Variants in CLEC5A observed in about 807,000 individuals in gnomAD.
The protein encoded by CLEC5A is C-type lectin domain containing 5A, also known as C-type lectin domain family 5 member A.
Under a neutral mutation model 24.4 loss-of-function variants are expected in CLEC5A, and 15 were observed. The observed-to-expected ratio is 0.62, with a 90% CI of 0.41 to 0.95. CLEC5A has a LOEUF of 0.95. Among genes scored for constraint, CLEC5A ranks in the 40% least tolerant of loss-of-function variants. The pLI is 0.00. For synonymous variants in CLEC5A, 71 were observed against 72.6 expected, an observed-to-expected ratio of 0.98 and a Z score of 0.11; for missense variants, 211 against 224.0, an observed-to-expected ratio of 0.94 and a Z score of 0.37.
intron 4 of CLEC5A, among the ~76,000 whole-genome samples, chr7:141,942,556 A>G (rs1480552006): frequency 6.6e-6 from 1 of 152,172 alleles, no homozygotes; most frequent in Non-Finnish European, 1.5e-5. Context: ...CAGGCAACCA[A>G]AGGAAAAATA....
At chr7:141,944,202 G>A (rs1228548068) in intron 3 of CLEC5A, among the ~76,000 whole-genome samples, 2 of 152,026 alleles carry the variant, frequency 1.3e-5, no homozygotes, top group African/African-American at 4.8e-5. Context: ...TGTAGCCATA[G>A]GCATCAAATC....
chr7:141,928,388 C>T lies in CLEC5A; in HGVS notation c.*1716G>A, dbSNP rs1489628896. 2.0e-5 allele frequency: 3 copies of T among 152,500 alleles called. No individual in the cohort carries two copies. Among genetic ancestry groups the T allele is most frequent in the Non-Finnish European group, 4.4e-5 (3 of 68,032 alleles). 9.4% of individuals were successfully genotyped at this position (152,500 alleles called of 1,614,324 possible). On this transcript the variant is annotated 3_prime_UTR_variant, in exon 7 of 7. Coordinates refer to ENST00000546910, the MANE Select transcript of CLEC5A (RefSeq NM_013252.3). The stretch of plus-strand genomic sequence containing the variant: ...CTCAAAACAGAAGGATTAGGATTTC[C>T]TTTCTGTTGTCTGAGTTCTGGGGCT...
At chr7:141,936,355 C>T in intron 4 of CLEC5A, 1 of 254,102 alleles carries the variant, frequency 3.9e-6, no homozygotes, top group South Asian at 4.5e-5. Context: ...ATCCCTGCTG[C>T]AGTGACAGCA....
chr7:141,933,915 C>T (rs139810419), intron 5 of CLEC5A, among the ~76,000 whole-genome samples: 14 of 151,992 alleles, frequency 9.2e-5, no homozygotes, highest in African/African-American at 2.7e-4. Flanking sequence ...TGAATGGGAG[C>T]GGCTGGAGCA....
At chr7:141,938,668 A>G (rs1554441353) in intron 4 of CLEC5A, among the ~76,000 whole-genome samples, 1 of 152,222 alleles carries the variant, frequency 6.6e-6, no homozygotes, top group Non-Finnish European at 1.5e-5. Context: ...TAAGCCAAAG[A>G]AGACTACCTT....
chr7:141,934,737 T>C (rs1221068380), intron 5 of CLEC5A, among the ~76,000 whole-genome samples: 1 of 145,974 alleles, frequency 6.9e-6, no homozygotes, highest in Non-Finnish European at 1.5e-5. Flanking sequence ...GCAATTCTTG[T>C]GCCTCAGCCA....
chr7:141,933,142 A>G (rs1358882910), intron 5 of CLEC5A, among the ~76,000 whole-genome samples: 4 of 152,180 alleles, frequency 2.6e-5, no homozygotes, highest in African/African-American at 9.6e-5. Flanking sequence ...CTTAACTAGC[A>G]TAAGGAGGTA....
In CLEC5A at chr7:141,931,812, G is replaced by A. The variant is rs138215469; in HGVS notation, c.360C>T (p.Asp120=). 343 of 1,569,086 alleles carry A rather than the reference G, an allele frequency of 2.2e-4. No homozygotes were observed. In the African/African-American group the frequency reaches 4.3e-3, roughly 20 times the overall value. Residue 120 remains aspartate (D), a synonymous_variant, in exon 6 of 7, where the codon GAC becomes GAT. Transcript: ENST00000546910. Reference sequence around the variant, plus strand: ...TAAAATACTTCTCAGCATCAGTTATGTCCTGAAGAAACTTCTGGAAATAAA... The same window carrying A: ...TAAAATACTTCTCAGCATCAGTTATATCCTGAAGAAACTTCTGGAAATAAA... The part of the protein sequence containing the change: ...NTPEKLKFLQ[D]ITDAEKYFIG...
At chr7:141,934,933 A>G (rs533175437) in intron 5 of CLEC5A, among the ~76,000 whole-genome samples, 1 of 152,240 alleles carries the variant, frequency 6.6e-6, no homozygotes, top group South Asian at 2.1e-4. Flanking sequence ...CAGACTTGTC[A>G]CACTTGCTTC....
chr7:141,942,843 T>C (rs1174862397), intron 4 of CLEC5A, among the ~76,000 whole-genome samples: 1 of 152,186 alleles, frequency 6.6e-6, no homozygotes, highest in Non-Finnish European at 1.5e-5. Context: ...ACACCATTCC[T>C]CATTATAGAA....
chr7:141,932,331 T>C (rs1238019444), intron 5 of CLEC5A, among the ~76,000 whole-genome samples: 1 of 152,214 alleles, frequency 6.6e-6, no homozygotes, highest in African/African-American at 2.4e-5. Flanking sequence ...GATTTAAAAG[T>C]GTATTGCTTT....
At chr7:141,938,308 T>A (rs782311976) in intron 4 of CLEC5A, among the ~76,000 whole-genome samples, 2 of 152,010 alleles carry the variant, frequency 1.3e-5, no homozygotes, top group Non-Finnish European at 2.9e-5. Flanking sequence ...TTCTATCAGA[T>A]AAACTAAGAG....
intron 5 of CLEC5A, among the ~76,000 whole-genome samples, chr7:141,932,816 A>G (rs1802504090): frequency 6.6e-6 from 1 of 152,218 alleles, no homozygotes; most frequent in African/African-American, 2.4e-5. Context: ...TTGTTTACAC[A>G]TTATCTACGG....
At position 141,932,222 on chromosome 7, in the gene CLEC5A, G is replaced by T. The variant is rs1473535145; in HGVS notation, c.346-396C>A. 2.0e-5 allele frequency among the ~76,000 whole-genome samples: 3 copies of T among 152,206 alleles called. No homozygotes were observed. In the East Asian group the frequency reaches 5.8e-4, roughly 29 times the overall value. On this transcript the variant is annotated intron_variant, in intron 5 of 6. Coordinates refer to ENST00000546910, the MANE Select transcript of CLEC5A (RefSeq NM_013252.3). ...ATGTCATGCTTCTATCCATAGGATT[G>T]TTTTTGTTGCCAGAAATTTTGTATG...
rs145335543 is a variant in CLEC5A, at chr7:141,939,192, A to G, written c.209-3242T>C. Among the ~76,000 whole-genome samples, 898 of 152,340 alleles carry G rather than the reference A, an allele frequency of 5.9e-3. 24 individuals carry two copies. The highest frequency in any genetic ancestry group is 0.038 in the East Asian group (198 of 5,194). Reference sequence around the variant, plus strand: ...GAAAGACTAAAAGATGAACCAATAAAAATGATAACTACAACAACTTTTCAA... The same window carrying G: ...GAAAGACTAAAAGATGAACCAATAAGAATGATAACTACAACAACTTTTCAA... On this transcript the variant is annotated intron_variant, in intron 4 of 6. Coordinates refer to ENST00000546910, the MANE Select transcript of CLEC5A (RefSeq NM_013252.3).
chr7:141,936,656 C>T (rs542618431), intron 4 of CLEC5A, among the ~76,000 whole-genome samples: 1 of 152,142 alleles, frequency 6.6e-6, no homozygotes, highest in African/African-American at 2.4e-5. Flanking sequence ...CTAGGCAAGT[C>T]CTTGTGCTGA....
Position 141,933,744 on chromosome 7 carries a change from C to T in CLEC5A, c.346-1918G>A, listed in dbSNP as rs1181312519. 2.6e-5 allele frequency among the ~76,000 whole-genome samples: 4 copies of T among 151,980 alleles called. No homozygotes were observed. The East Asian group carries it at 7.7e-4, about 29-fold the overall frequency. On this transcript the variant is annotated intron_variant, in intron 5 of 6. Transcript: ENST00000546910. Reference sequence around the variant, plus strand: ...TGGCTCAACGTGCCTTGACATGGTACAGGCTCTGGTGCCCAGAGAAAGAGA... The same window carrying T: ...TGGCTCAACGTGCCTTGACATGGTATAGGCTCTGGTGCCCAGAGAAAGAGA...
intron 5 of CLEC5A, among the ~76,000 whole-genome samples, chr7:141,934,941 T>G (rs1554440877): frequency 6.6e-6 from 1 of 152,182 alleles, no homozygotes; most frequent in Admixed American, 6.5e-5. Context: ...TCACACTTGC[T>G]TCTTCCCGTT....
Position 141,946,155 on chromosome 7 carries a change from G to A in CLEC5A, c.79+59C>T, listed in dbSNP as rs111708687. On this transcript the variant is annotated intron_variant, in intron 2 of 6. Coordinates refer to ENST00000546910, the MANE Select transcript of CLEC5A (RefSeq NM_013252.3). Reference sequence around the variant, plus strand: ...TTACACACAACCATGCATTCTGAGAGAAGAGTCAATGAGCAAGACAACATG... The same window carrying A: ...TTACACACAACCATGCATTCTGAGAAAAGAGTCAATGAGCAAGACAACATG... The A allele has an allele frequency of 8.3e-4, 1,262 of 1,515,378 alleles. 9 individuals are homozygous for A. The African/African-American group carries it at 0.016, about 19-fold the overall frequency. The allele number at this position is 1,515,378 out of a possible 1,614,324, so 93.9% of individuals were successfully genotyped here.
Sources: allele counts gnomAD v4.1 joint callset (sites outside exome capture counted in the v4.1 genomes callset), GRCh38; gene constraint gnomAD v4.1.1; transcripts MANE v1.5; gene names NCBI Gene and HGNC (gene_info 2026-07-23, HGNC 2026-07-21).